DAB1: variants seen among roughly 807,000 people sequenced by gnomAD.
The protein encoded by DAB1 is disabled homolog 1.
DAB1 carries 15 observed loss-of-function variants against 64.6 expected under a neutral mutation model. The observed-to-expected ratio is 0.23, with a 90% CI of 0.16 to 0.36. The LOEUF (loss-of-function observed/expected upper bound fraction) is 0.36. Among genes scored for constraint, DAB1 ranks in the 10% least tolerant of loss-of-function variants. The pLI, the probability that DAB1 is intolerant of heterozygous loss-of-function variation, is 1.00. For missense variants in DAB1, 596 were observed against 706.7 expected, an observed-to-expected ratio of 0.84 and a Z score of 1.78; for synonymous variants, 235 against 251.9, an observed-to-expected ratio of 0.93 and a Z score of 0.64.
intron 6 of DAB1, among the ~76,000 whole-genome samples, chr1:57,721,777 G>A (rs6689997): frequency 0.15 from 23,495 of 152,144 alleles, 2,320 homozygotes; most frequent in East Asian, 0.33. Flanking sequence ...GGAGCGTTCG[G>A]CATGCTGTGG....
intron 4 of DAB1, among the ~76,000 whole-genome samples, chr1:58,319,129 G>C (rs1489658045): frequency 6.6e-6 from 1 of 152,002 alleles, no homozygotes; most frequent in East Asian, 1.9e-4. Context: ...TGTGTGGGGA[G>C]AAAGAGGGGG....
chr1:57,840,872 C>T (rs1444206631), intron 1 of DAB1, among the ~76,000 whole-genome samples: 2 of 152,172 alleles, frequency 1.3e-5, no homozygotes, highest in Non-Finnish European at 2.9e-5. Flanking sequence ...TCCACCCTGG[C>T]CCCTCCTAAA....
intron 7 of DAB1, among the ~76,000 whole-genome samples, chr1:57,564,010 C>G (rs1645086068): frequency 6.6e-6 from 1 of 152,196 alleles, no homozygotes; most frequent in Non-Finnish European, 1.5e-5. Flanking sequence ...TCCCTGACCC[C>G]TGAGTAGCCA....
intron 2 of DAB1, among the ~76,000 whole-genome samples, chr1:57,199,899 A>G (rs1396805999): frequency 6.6e-6 from 1 of 152,182 alleles, no homozygotes; most frequent in Non-Finnish European, 1.5e-5. Flanking sequence ...AGCAGTCCTA[A>G]GAAGTTCAGC....
At chr1:57,334,730 A>G (rs1398938490) in intron 1 of DAB1, among the ~76,000 whole-genome samples, 1 of 152,232 alleles carries the variant, frequency 6.6e-6, no homozygotes, top group Non-Finnish European at 1.5e-5. Context: ...AATCCTGTGA[A>G]GTAAGCACTA....
chr1:57,585,870 G>A (rs1373254489), intron 7 of DAB1, among the ~76,000 whole-genome samples: 1 of 152,164 alleles, frequency 6.6e-6, no homozygotes, highest in Non-Finnish European at 1.5e-5. Flanking sequence ...TTTAAAATGA[G>A]AAGAAAGATT....
intron 3 of DAB1, among the ~76,000 whole-genome samples, chr1:58,367,291 G>T (rs938561005): frequency 1.3e-5 from 2 of 152,160 alleles, no homozygotes; most frequent in African/African-American, 4.8e-5. Flanking sequence ...CTACTTACTT[G>T]GATGTCTCAT....
intron 7 of DAB1, among the ~76,000 whole-genome samples, chr1:57,585,568 C>T (rs11207069): frequency 0.21 from 31,315 of 152,040 alleles, 3,863 homozygotes; most frequent in Non-Finnish European, 0.27. Flanking sequence ...CTTCACAGTC[C>T]CAATCACTCC....
chr1:57,033,359 A>G (rs1647025638), intron 9 of DAB1: 1 of 1,611,284 alleles, frequency 6.2e-7, no homozygotes, highest in East Asian at 2.2e-5. Flanking sequence ...AGAACAACCT[A>G]ATTTAACACA....
chr1:58,112,722 T>A (rs1168371345), intron 5 of DAB1, among the ~76,000 whole-genome samples: 4 of 152,206 alleles, frequency 2.6e-5, no homozygotes, highest in African/African-American at 9.7e-5. Context: ...AAATGAATGA[T>A]GAATGAAAAT....
intron 5 of DAB1, among the ~76,000 whole-genome samples, chr1:58,147,022 A>G (rs1310814641): frequency 2.0e-5 from 3 of 152,090 alleles, no homozygotes; most frequent in African/African-American, 7.2e-5. Context: ...TAGTATAGCC[A>G]TTGGCTAGGT....
intron 4 of DAB1, among the ~76,000 whole-genome samples, chr1:58,276,884 G>C (rs1661458717): frequency 6.6e-6 from 1 of 151,960 alleles, no homozygotes; most frequent in African/African-American, 2.4e-5. Context: ...TGATGAAGGG[G>C]AGTGTTATGT....
chr1:57,836,289 A>C (rs1345796598), intron 1 of DAB1, among the ~76,000 whole-genome samples: 6 of 152,238 alleles, frequency 3.9e-5, no homozygotes, highest in Admixed American at 3.9e-4. Context: ...AGGTAAAGAA[A>C]GGTTTTGACT....
intron 1 of DAB1, among the ~76,000 whole-genome samples, chr1:58,539,480 C>T (rs1646569786): frequency 6.6e-6 from 1 of 152,150 alleles, no homozygotes; most frequent in Non-Finnish European, 1.5e-5. Flanking sequence ...GCAAGATAAA[C>T]CAGAGTATAT....
At chr1:58,194,967 CTT>C (rs1657593131) in intron 4 of DAB1, among the ~76,000 whole-genome samples, 1 of 152,200 alleles carries the variant, frequency 6.6e-6, no homozygotes, top group Non-Finnish European at 1.5e-5. Context: ...CTTTCTATGT[CTT>C]TGTCTTTCCT....
chr1:57,194,248 G>C (rs1200463907), intron 2 of DAB1, among the ~76,000 whole-genome samples: 1 of 151,994 alleles, frequency 6.6e-6, no homozygotes, highest in Non-Finnish European at 1.5e-5. Context: ...CTTTGCACTT[G>C]TCTGCCAACA....
rs534082181 is a variant in DAB1, at chr1:58,038,790, G to C, written n.387+111721C>G. Among the ~76,000 whole-genome samples, 8 of 152,308 alleles carry C rather than the reference G, an allele frequency of 5.3e-5. No homozygotes were observed. In the South Asian group the frequency reaches 1.5e-3, roughly 28 times the overall value. On this transcript the variant is annotated intron_variant and non_coding_transcript_variant, in intron 5 of 20. Coordinates refer to the DAB1 transcript ENST00000485760. Reference sequence around the variant, plus strand: ...CAAGGAAGCAATGCCCAGCTGCAATGATGAGTCATAACACCCTTCCCTGCA... The same window carrying C: ...CAAGGAAGCAATGCCCAGCTGCAATCATGAGTCATAACACCCTTCCCTGCA...
intron 1 of DAB1, among the ~76,000 whole-genome samples, chr1:57,830,842 A>C (rs765192795): frequency 1.3e-5 from 2 of 152,194 alleles, no homozygotes; most frequent in Non-Finnish European, 2.9e-5. Context: ...CCCAACAAAA[A>C]TCTTGAGTAC....
At chr1:58,064,497 G>C (rs1367295734) in intron 5 of DAB1, among the ~76,000 whole-genome samples, 1 of 152,062 alleles carries the variant, frequency 6.6e-6, no homozygotes, top group African/African-American at 2.4e-5. Flanking sequence ...TCAGAATAAA[G>C]GCAGCCCACT....
Sources: allele counts gnomAD v4.1 joint callset (sites outside exome capture counted in the v4.1 genomes callset), GRCh38; gene constraint gnomAD v4.1.1; transcripts MANE v1.5; gene names NCBI Gene and HGNC (gene_info 2026-07-23, HGNC 2026-07-21).